Variants in FAM193A observed in about 807,000 individuals in gnomAD.
FAM193A encodes family with sequence similarity 193 member A.
In FAM193A, 22 loss-of-function variants were observed where a neutral mutation model predicts 126.5. The ratio of observed to expected loss-of-function variants is 0.17; its 90% CI spans 0.12 to 0.25. The LOEUF (loss-of-function observed/expected upper bound fraction) is 0.25, where lower values mean the gene tolerates loss of function less well. FAM193A is among the 10% of genes least tolerant of loss of function. The pLI is 1.00. For missense variants in FAM193A, 1,675 were observed against 1,672.8 expected, an observed-to-expected ratio of 1.00 and a Z score of -0.02; for synonymous variants, 761 against 646.8, an observed-to-expected ratio of 1.18 and a Z score of -2.68.
intron 18 of FAM193A, among the ~76,000 whole-genome samples, chr4:2,699,143 C>T (rs1251639842): frequency 6.6e-6 from 1 of 152,168 alleles, no homozygotes; most frequent in Non-Finnish European, 1.5e-5. Flanking sequence ...CAGGTGTGAG[C>T]CACTGCACCA....
At chr4:2,646,876 A>C in intron 7 of FAM193A, 44 bp downstream of exon 7, 1 of 1,565,338 alleles carries the variant, frequency 6.4e-7, no homozygotes. Context: ...ACATCCTCAG[A>C]CGGCCCTGTT....
At position 2,590,506 on chromosome 4, in the gene FAM193A, CAAAA is replaced by C. The variant is rs150589938; in HGVS notation, c.256-5571_256-5568del. Among the ~76,000 whole-genome samples, 2 of 33,220 alleles carry C rather than the reference CAAAA, an allele frequency of 6.0e-5. 1 individual carries two copies. Among genetic ancestry groups the C allele is most frequent in the South Asian group, 1.5e-3 (2 of 1,308 alleles). The allele number at this position is 33,220 out of a possible 152,430, so 21.8% of individuals were successfully genotyped here. ...AAAAACAAAAAAAAACAAAAAAAAA[CAAAA>C]AAAAAACAAAACAAAATTAAAAAAC... On this transcript the variant is annotated intron_variant, in intron 1 of 20. Coordinates refer to ENST00000637812, the MANE Select transcript of FAM193A (RefSeq NM_001366318.2).
chr4:2,702,826 CAG>C (rs1254148761), intron 19 of FAM193A, among the ~76,000 whole-genome samples: 4 of 152,190 alleles, frequency 2.6e-5, no homozygotes, highest in Non-Finnish European at 5.9e-5. Flanking sequence ...TCTTTAGCCT[CAG>C]GGTGTGGTGA....
chr4:2,643,293 C>T (rs1560512868), intron 6 of FAM193A, among the ~76,000 whole-genome samples: 2 of 152,152 alleles, frequency 1.3e-5, no homozygotes, highest in Non-Finnish European at 2.9e-5. Flanking sequence ...AATTTTGCTA[C>T]TGATTACATA....
At chr4:2,696,742 C>A (rs1717084263) in intron 18 of FAM193A, 149 bp downstream of exon 18, 1 of 623,172 alleles carries the variant, frequency 1.6e-6, no homozygotes, top group Non-Finnish European at 2.8e-6. Context: ...TGAGAGCCAG[C>A]CTGTCTCTGG....
intron 2 of FAM193A, among the ~76,000 whole-genome samples, chr4:2,615,929 A>G (rs1201865744): frequency 2.0e-5 from 3 of 151,802 alleles, no homozygotes; most frequent in Non-Finnish European, 4.4e-5. Context: ...CTCCTGCCTC[A>G]GCCTTCTGAG....
At chr4:2,645,034 A>ATGTG (rs3221482) in intron 6 of FAM193A, among the ~76,000 whole-genome samples, 214 of 149,482 alleles carry the variant, frequency 1.4e-3, no homozygotes, top group African/African-American at 4.6e-3. Flanking sequence ...ATATACATGA[A>ATGTG]TGTGTGTGTG....
Position 2,624,299 on chromosome 4 carries a change from C to T in FAM193A, c.502-963C>T, listed in dbSNP as rs1742751513. On this transcript the variant is annotated intron_variant, in intron 2 of 20. Coordinates refer to ENST00000637812, the MANE Select transcript of FAM193A (RefSeq NM_001366318.2). ...AGTTGAGATTACAGGCGTGCCCCAC[C>T]ATGCCTGGCTAATTTTTGTGTATTT... Among the ~76,000 whole-genome samples, 3 of 152,160 alleles carry T rather than the reference C, an allele frequency of 2.0e-5. No homozygotes were observed. The South Asian group carries it at 6.2e-4, about 32-fold the overall frequency.
At chr4:2,548,317 C>T (rs573861583) in intron 1 of FAM193A, among the ~76,000 whole-genome samples, 8 of 151,964 alleles carry the variant, frequency 5.3e-5, no homozygotes, top group South Asian at 2.1e-4. Context: ...ATTATCCGCC[C>T]GCCTCGGCCT....
chr4:2,653,382 T>C (rs541898595), intron 7 of FAM193A, among the ~76,000 whole-genome samples: 34 of 152,350 alleles, frequency 2.2e-4, no homozygotes, highest in African/African-American at 7.9e-4. Flanking sequence ...AAATTGCATG[T>C]TACATTGCTT....
At chr4:2,684,495 G>T (rs1222920777) in intron 13 of FAM193A, among the ~76,000 whole-genome samples, 2 of 151,660 alleles carry the variant, frequency 1.3e-5, no homozygotes, top group African/African-American at 4.9e-5. Context: ...TGAGCATCCA[G>T]ATTCGTTTTC....
chr4:2,606,627 G>T (rs1343069838), intron 2 of FAM193A, among the ~76,000 whole-genome samples: 1 of 152,148 alleles, frequency 6.6e-6, no homozygotes, highest in Non-Finnish European at 1.5e-5. Context: ...TCCTCTGAAT[G>T]GATATCTTGC....
chr4:2,695,012 C>T lies in FAM193A; in HGVS notation c.3159C>T (p.Asp1053=), dbSNP rs778696404. ...GVYDPQQDDG[D]ESADEDSCSE... ...ACGACCCACAGCAGGATGATGGGGA[C>T]GAGAGTGCAGATGAGGACAGCTGCT... Residue 1053 remains aspartate, a synonymous_variant, in exon 17 of 21, where the codon GAC becomes GAT. Coordinates refer to ENST00000637812, the MANE Select transcript of FAM193A (RefSeq NM_001366318.2). 7.5e-5 allele frequency: 120 copies of T among 1,609,298 alleles called. No homozygotes were observed. Among genetic ancestry groups the T allele is most frequent in the Middle Eastern group, 4.9e-4 (3 of 6,076 alleles).
chr4:2,732,092 CGGATT>C lies in FAM193A; in HGVS notation c.*228_*232del, dbSNP rs1577298252. 1 of 564,786 alleles carries C rather than the reference CGGATT, an allele frequency of 1.8e-6. No individual in the cohort carries two copies. The allele number at this position is 564,786 out of a possible 1,614,324, so 35.0% of individuals were successfully genotyped here. ...TCCTTCGATTGTAGCTCTGTGCTGT[CGGATT>C]GGAACAGTAGTTCCCGCCAAGTCCT... On this transcript the variant is annotated 3_prime_UTR_variant, in exon 21 of 21. Transcript: ENST00000637812.
intron 1 of FAM193A, among the ~76,000 whole-genome samples, chr4:2,554,396 C>G (rs887417180): frequency 1.3e-5 from 2 of 152,118 alleles, no homozygotes; most frequent in African/African-American, 4.8e-5. Context: ...CTGTATCTCT[C>G]TATTACTGAA....
intron 1 of FAM193A, among the ~76,000 whole-genome samples, chr4:2,565,722 A>G (rs1738902249): frequency 6.6e-6 from 1 of 152,246 alleles, no homozygotes; most frequent in Non-Finnish European, 1.5e-5. Flanking sequence ...AGTTGAAGCC[A>G]GAAGCACTAA....
At chr4:2,599,340 C>T (rs73078394) in intron 2 of FAM193A, among the ~76,000 whole-genome samples, 6,432 of 152,094 alleles carry the variant, frequency 0.042, 463 homozygotes, top group African/African-American at 0.15. Flanking sequence ...TAGTTCCCTC[C>T]GGCAGCCTGG....
rs574915175 is a variant in FAM193A at position 2,597,856 on chromosome 4, C to G, written c.501+1527C>G. ...ATCACCCCATAAAATCCCCTTGTTC[C>G]CCTTGGTAGTCACTTCCCTTCCCCC... On this transcript the variant is annotated intron_variant, in intron 2 of 20. Coordinates refer to ENST00000637812, the MANE Select transcript of FAM193A (RefSeq NM_001366318.2). Among the ~76,000 whole-genome samples, 10 of 152,222 alleles carry G rather than the reference C, an allele frequency of 6.6e-5. No homozygotes were observed. In the South Asian group the frequency reaches 2.1e-3, roughly 32 times the overall value.
chr4:2,644,801 G>T (rs775957095), intron 6 of FAM193A, among the ~76,000 whole-genome samples: 3 of 152,192 alleles, frequency 2.0e-5, no homozygotes, highest in African/African-American at 7.2e-5. Flanking sequence ...CCCATGAAAA[G>T]ATCCTAATTT....
Sources: allele counts gnomAD v4.1 joint callset (sites outside exome capture counted in the v4.1 genomes callset), GRCh38; gene constraint gnomAD v4.1.1; transcripts MANE v1.5; gene names NCBI Gene and HGNC (gene_info 2026-07-23, HGNC 2026-07-21).